MIGA1: variants seen among roughly 807,000 people sequenced by gnomAD.
MIGA1 encodes the protein mitoguardin 1, also known as family with sequence similarity 73, member A.
In MIGA1, 58 loss-of-function variants were observed where a neutral mutation model predicts 82.0. The observed-to-expected ratio is 0.71, with a 90% CI of 0.57 to 0.88. MIGA1 has a LOEUF of 0.88. MIGA1 is among the 40% of genes least tolerant of loss of function. The pLI is 0.00. For synonymous variants in MIGA1, 249 were observed against 253.6 expected (o/e 0.98, Z 0.17); for missense variants, 751 against 749.1 (o/e 1.00, Z -0.03).
chr1:77,860,394 T>C (rs1557933483), intron 11 of MIGA1: 2 of 327,748 alleles, frequency 6.1e-6, no homozygotes, highest in African/African-American at 2.1e-5. Context: ...ACCATCACTG[T>C]TATTATTACT....
intron 7 of MIGA1, among the ~76,000 whole-genome samples, chr1:77,838,250 G>A (rs1684501731): frequency 6.6e-6 from 1 of 152,124 alleles, no homozygotes; most frequent in South Asian, 2.1e-4. Flanking sequence ...CTTTCAAGAT[G>A]GCTCTTCTTG....
At chr1:77,821,799 T>G (rs1683822060) in intron 7 of MIGA1, among the ~76,000 whole-genome samples, 1 of 152,208 alleles carries the variant, frequency 6.6e-6, no homozygotes, top group East Asian at 1.9e-4. Flanking sequence ...ATGAGTGCTG[T>G]CATTGAAATC....
At chr1:77,839,224 T>TAAG (rs1684538863) in intron 7 of MIGA1, among the ~76,000 whole-genome samples, 1 of 151,844 alleles carries the variant, frequency 6.6e-6, no homozygotes, top group Non-Finnish European at 1.5e-5. Context: ...ACCAAAATAA[T>TAAG]AATAATAATA....
chr1:77,813,094 G>A (rs1375078877), intron 5 of MIGA1, among the ~76,000 whole-genome samples: 2 of 151,882 alleles, frequency 1.3e-5, no homozygotes, highest in African/African-American at 4.8e-5. Flanking sequence ...CGATTCTCCC[G>A]CATCAGCCTC....
chr1:77,843,291 A>T lies in MIGA1; in HGVS notation c.896-16A>T. The T allele has an allele frequency of 6.4e-7, 1 of 1,574,364 alleles. No homozygotes were observed. On this transcript the variant is annotated splice_polypyrimidine_tract_variant and intron_variant, in intron 7 of 15. Coordinates refer to ENST00000370791, the MANE Select transcript of MIGA1 (RefSeq NM_198549.4). ...TGGAATATCACTTTCTGAACTTTTC[A>T]CCTTTTACTTTTAAGATAAAGATAC...
chr1:77,856,520 C>T (rs994383976), intron 8 of MIGA1, among the ~76,000 whole-genome samples: 5 of 151,814 alleles, frequency 3.3e-5, no homozygotes, highest in Non-Finnish European at 5.9e-5. Context: ...TTTTTTTAAT[C>T]GGTAATTTTT....
chr1:77,846,803 C>T (rs113612573), intron 8 of MIGA1, among the ~76,000 whole-genome samples: 3 of 151,918 alleles, frequency 2.0e-5, no homozygotes, highest in Non-Finnish European at 4.4e-5. Flanking sequence ...AAAAATTAGC[C>T]AGGCATGGTG....
At position 77,877,956 on chromosome 1, in the gene MIGA1, A is replaced by G. The variant is rs1646906691; in HGVS notation, c.*2892A>G. 6.6e-6 allele frequency: 1 copy of G among 152,404 alleles called. No homozygotes were observed. The highest frequency in any genetic ancestry group is 6.5e-5 in the Admixed American group (1 of 15,278). The allele number at this position is 152,404 out of a possible 1,614,324, so 9.4% of individuals were successfully genotyped here. A position where few individuals can be genotyped will look rare whatever the true frequency, so the allele number is the denominator to read the frequency against. On this transcript the variant is annotated 3_prime_UTR_variant, in exon 16 of 16. Transcript: ENST00000370791. ...CTTTAGCAAGATGTGGCCTTTCACAAAAGAGGTAAGAGTGACCAAATAGAA... is the reference window on the plus strand; with the variant it reads ...CTTTAGCAAGATGTGGCCTTTCACAGAAGAGGTAAGAGTGACCAAATAGAA...
At chr1:77,840,766 C>A (rs938612107) in intron 7 of MIGA1, among the ~76,000 whole-genome samples, 1 of 151,910 alleles carries the variant, frequency 6.6e-6, no homozygotes, top group Non-Finnish European at 1.5e-5. Flanking sequence ...GAGCCAAGGT[C>A]GCGCCATTGC....
intron 2 of MIGA1, among the ~76,000 whole-genome samples, chr1:77,788,194 G>A (rs1171770431): frequency 6.6e-6 from 1 of 152,120 alleles, no homozygotes; most frequent in African/African-American, 2.4e-5. Context: ...ATAGAGATGG[G>A]GTTTCACCAT....
intron 7 of MIGA1, among the ~76,000 whole-genome samples, chr1:77,831,758 A>G (rs928056094): frequency 3.3e-5 from 5 of 152,180 alleles, no homozygotes; most frequent in African/African-American, 7.2e-5. Flanking sequence ...TGGTTAGACT[A>G]TTTGGGCAGG....
Position 77,840,146 on chromosome 1 carries a change from C to T in MIGA1, c.896-3161C>T, listed in dbSNP as rs147198209. Among the ~76,000 whole-genome samples, 105 of 152,264 alleles carry T rather than the reference C, an allele frequency of 6.9e-4. 1 individual carries two copies. The highest frequency in any genetic ancestry group is 3.4e-3 in the Middle Eastern group (1 of 294). ...TTCTTTGTACTTTTTATTGTCGTAT[C>T]TAAGAAACAGAAGTATTATTTCTCT... is the stretch of plus-strand genomic sequence containing the variant. On this transcript the variant is annotated intron_variant, in intron 7 of 15. Transcript: ENST00000370791.
At chr1:77,795,724 G>A (rs1027997445) in intron 2 of MIGA1, among the ~76,000 whole-genome samples, 1 of 151,398 alleles carries the variant, frequency 6.6e-6, no homozygotes, top group Non-Finnish European at 1.5e-5. Context: ...CTGCCTCCTG[G>A]GTTCAAGCGA....
Position 77,834,158 on chromosome 1 carries a change from A to G in MIGA1, c.896-9149A>G, listed in dbSNP as rs114436236. The stretch of plus-strand genomic sequence containing the variant: ...TTTCTTTTTTTTTATTATTCCCACC[A>G]CCTCATCATATATAACTTTTTTTTT... On this transcript the variant is annotated intron_variant, in intron 7 of 15. Coordinates refer to ENST00000370791, the MANE Select transcript of MIGA1 (RefSeq NM_198549.4). 4.0e-3 allele frequency among the ~76,000 whole-genome samples: 611 copies of G among 151,660 alleles called. 5 individuals carry two copies. The highest frequency in any genetic ancestry group is 0.014 in the African/African-American group (568 of 41,360).
chr1:77,840,676 G>A (rs902093183), intron 7 of MIGA1, among the ~76,000 whole-genome samples: 16 of 152,248 alleles, frequency 1.1e-4, no homozygotes, highest in Middle Eastern at 3.4e-3. Flanking sequence ...GCCGGGCGTG[G>A]TGGCACATGC....
rs1646898374 is a variant in MIGA1 at position 77,876,967 on chromosome 1, ATTTT to A, written c.*1904_*1907del. 1 of 152,180 alleles carries A rather than the reference ATTTT, an allele frequency of 6.6e-6. No individual in the cohort carries two copies. Among genetic ancestry groups the A allele is most frequent in the Non-Finnish European group, 1.5e-5 (1 of 68,040 alleles). The allele number at this position is 152,180 out of a possible 1,614,324, so 9.4% of individuals were successfully genotyped here. On this transcript the variant is annotated 3_prime_UTR_variant, in exon 16 of 16. Coordinates refer to ENST00000370791, the MANE Select transcript of MIGA1 (RefSeq NM_198549.4). ...TTTGCCCCTAAAACGGGCTTTAGTC[ATTTT>A]AGGAGTGAGTTGCACAAAAGGACCT...
At chr1:77,812,266 C>T (rs1008870507) in intron 5 of MIGA1, among the ~76,000 whole-genome samples, 1 of 152,080 alleles carries the variant, frequency 6.6e-6, no homozygotes, top group Non-Finnish European at 1.5e-5. Context: ...GTCAGGAGTT[C>T]GAGACCAGTG....
At chr1:77,780,839 A>T (rs536461944) in intron 1 of MIGA1, among the ~76,000 whole-genome samples, 1 of 151,860 alleles carries the variant, frequency 6.6e-6, no homozygotes, top group East Asian at 1.9e-4. Context: ...CCTCAGTAAT[A>T]TTAAATGAAA....
intron 7 of MIGA1, among the ~76,000 whole-genome samples, chr1:77,823,001 C>T (rs1683884790): frequency 6.6e-6 from 1 of 152,018 alleles, no homozygotes; most frequent in African/African-American, 2.4e-5. Context: ...TGCCACCACG[C>T]CAGGCTAATT....
Sources: gnomAD v4.1 joint callset for allele counts (sites outside exome capture counted in the v4.1 genomes callset) on GRCh38, gnomAD v4.1.1 for gene constraint, MANE v1.5 for transcripts, NCBI Gene and HGNC (gene_info 2026-07-23, HGNC 2026-07-21) for gene names.